ERBB4: variants seen among roughly 807,000 people sequenced by gnomAD.
ERBB4 encodes erb-b2 receptor tyrosine kinase 4.
Under a neutral mutation model 158.0 loss-of-function variants are expected in ERBB4, and 42 were observed. The ratio of observed to expected loss-of-function variants is 0.27; its 90% confidence interval spans 0.21 to 0.34. The LOEUF (loss-of-function observed/expected upper bound fraction) is 0.34, where lower values mean the gene tolerates loss of function less well. Among genes scored for constraint, ERBB4 ranks in the 10% least tolerant of loss-of-function variants. The pLI is 1.00. For synonymous variants in ERBB4, 583 were observed against 558.7 expected, an observed-to-expected ratio of 1.04 and a Z score of -0.61; for missense variants, 1,333 against 1,624.1, an observed-to-expected ratio of 0.82 and a Z score of 3.08.
intron 2 of ERBB4, among the ~76,000 whole-genome samples, chr2:212,075,755 T>C (rs1325318461): frequency 6.6e-6 from 1 of 151,934 alleles, no homozygotes; most frequent in Non-Finnish European, 1.5e-5. Context: ...TATAACTTAC[T>C]AAGAAGGTAT....
intron 1 of ERBB4, among the ~76,000 whole-genome samples, chr2:212,170,080 C>A (rs6435698): frequency 0.6 from 91,904 of 151,922 alleles, 28,882 homozygotes; most frequent in African/African-American, 0.67. Context: ...GAGGTTGGAA[C>A]AATTTGGAGG....
intron 1 of ERBB4, among the ~76,000 whole-genome samples, chr2:212,407,628 A>AAC (rs1560236357): frequency 6.6e-6 from 1 of 152,078 alleles, no homozygotes; most frequent in East Asian, 1.9e-4. Context: ...GAGTATGTGT[A>AAC]ATATATATAT....
chr2:211,788,214 G>A, intron 3 of ERBB4, 55 bp from the exon 4 acceptor site: 1 of 1,347,196 alleles, frequency 7.4e-7, no homozygotes, highest in East Asian at 2.3e-5. Context: ...TTGATGAAAA[G>A]GTAATCAACA....
chr2:211,388,074 A>C, intron 25 of ERBB4, 82 bp from the exon 26 acceptor site: 7 of 1,080,866 alleles, frequency 6.5e-6, no homozygotes, highest in South Asian at 1.3e-5. Context: ...CGAAAAAGAA[A>C]AGCCACATGG....
chr2:212,236,805 T>C (rs1245401167), intron 1 of ERBB4, among the ~76,000 whole-genome samples: 4 of 152,244 alleles, frequency 2.6e-5, no homozygotes, highest in African/African-American at 7.2e-5. Context: ...GTGGGATCAG[T>C]GGTGATATCT....
chr2:211,861,123 T>A (rs1451416038), intron 3 of ERBB4, among the ~76,000 whole-genome samples: 733 of 15,222 alleles, frequency 0.048, 42 homozygotes, highest in African/African-American at 0.086. Context: ...ATATATATAT[T>A]TTATATATAT....
At chr2:212,318,778 T>C (rs2087417912) in intron 1 of ERBB4, among the ~76,000 whole-genome samples, 1 of 151,560 alleles carries the variant, frequency 6.6e-6, no homozygotes, top group Non-Finnish European at 1.5e-5. Context: ...TTAAAAGGCT[T>C]CTTATTTTTT....
chr2:211,649,640 G>A (rs986181445), intron 16 of ERBB4, among the ~76,000 whole-genome samples: 1 of 151,738 alleles, frequency 6.6e-6, no homozygotes, highest in Admixed American at 6.6e-5. Flanking sequence ...GGTTTTTGTT[G>A]TTATTTTATT....
chr2:212,469,556 G>A (rs1050138035), intron 1 of ERBB4, among the ~76,000 whole-genome samples: 4 of 152,002 alleles, frequency 2.6e-5, no homozygotes, highest in East Asian at 1.9e-4. Flanking sequence ...TATGTCTTGC[G>A]TTCCAACAGT....
At chr2:211,663,563 C>T (rs1311256089) in intron 15 of ERBB4, among the ~76,000 whole-genome samples, 2 of 151,928 alleles carry the variant, frequency 1.3e-5, no homozygotes, top group African/African-American at 2.4e-5. Context: ...TTTTCATTGC[C>T]TCATATTTCT....
chr2:212,071,947 C>A (rs1678382428), intron 2 of ERBB4, among the ~76,000 whole-genome samples: 1 of 151,842 alleles, frequency 6.6e-6, no homozygotes, highest in Non-Finnish European at 1.5e-5. Flanking sequence ...GTGTTTAATC[C>A]TCTCAACACA....
intron 1 of ERBB4, among the ~76,000 whole-genome samples, chr2:212,464,700 C>G (rs1202274205): frequency 1.3e-5 from 2 of 151,984 alleles, no homozygotes; most frequent in Non-Finnish European, 2.9e-5. Context: ...AGTGAAACTT[C>G]GAGCCTATTG....
intron 1 of ERBB4, among the ~76,000 whole-genome samples, chr2:212,425,530 A>G (rs2091894880): frequency 6.6e-6 from 1 of 151,474 alleles, no homozygotes; most frequent in Non-Finnish European, 1.5e-5. Context: ...AATATCAAAA[A>G]GTCTCCTCAA....
chr2:211,819,177 T>C (rs1292080783), intron 3 of ERBB4, among the ~76,000 whole-genome samples: 1 of 152,134 alleles, frequency 6.6e-6, no homozygotes, highest in African/African-American at 2.4e-5. Flanking sequence ...TGCATTCATG[T>C]ATTCAATTTT....
At chr2:212,468,878 C>A (rs1688976388) in intron 1 of ERBB4, among the ~76,000 whole-genome samples, 1 of 152,172 alleles carries the variant, frequency 6.6e-6, no homozygotes, top group South Asian at 2.1e-4. Context: ...AAGTTATCTG[C>A]CACATTACCA....
intron 2 of ERBB4, among the ~76,000 whole-genome samples, chr2:212,079,679 T>C (rs920526017): frequency 2.6e-5 from 4 of 152,110 alleles, no homozygotes; most frequent in African/African-American, 9.7e-5. Flanking sequence ...CAGTTAGGCA[T>C]AGATGCTTCC....
intron 3 of ERBB4, among the ~76,000 whole-genome samples, chr2:211,904,699 AC>A (rs1235782396): frequency 6.6e-6 from 1 of 152,172 alleles, no homozygotes; most frequent in Non-Finnish European, 1.5e-5. Flanking sequence ...CAGAAATCTT[AC>A]TTGAATTCAT....
In ERBB4 at chr2:211,954,109, C is replaced by G. The variant is rs116688679; in HGVS notation, c.235-6493G>C. Among the ~76,000 whole-genome samples, 338 of 151,968 alleles carry G rather than the reference C, an allele frequency of 2.2e-3. 4 individuals are homozygous for G. Among genetic ancestry groups the G allele is most frequent in the African/African-American group, 7.5e-3 (311 of 41,530 alleles). ...ACTCTTTTAATAGCTATTAATTTTTCTGTATTTGATATAAATCCCTAATTC... is the reference window on the plus strand; with the variant it reads ...ACTCTTTTAATAGCTATTAATTTTTGTGTATTTGATATAAATCCCTAATTC... On this transcript the variant is annotated intron_variant, in intron 2 of 27. Transcript: ENST00000342788.
intron 20 of ERBB4, among the ~76,000 whole-genome samples, chr2:211,552,973 A>ATT (rs34100604): frequency 0.096 from 14,034 of 146,852 alleles, 845 homozygotes; most frequent in Non-Finnish European, 0.14. Flanking sequence ...CAAATAATAC[A>ATT]TTTTTTTTTT....
Sources: allele counts gnomAD v4.1 joint callset (sites outside exome capture counted in the v4.1 genomes callset), GRCh38; gene constraint gnomAD v4.1.1; transcripts MANE v1.5; gene names NCBI Gene and HGNC (gene_info 2026-07-23, HGNC 2026-07-21).